BRINP1: variants seen among roughly 807,000 people sequenced by gnomAD.
BRINP1 encodes BMP/retinoic acid-inducible neural-specific protein 1.
In BRINP1, 17 loss-of-function variants were observed where a neutral mutation model predicts 72.9. The observed-to-expected ratio is 0.23, with a 90% CI of 0.16 to 0.35. The LOEUF (loss-of-function observed/expected upper bound fraction) is 0.35. Among genes scored for constraint, BRINP1 ranks in the 10% least tolerant of loss-of-function variants. The pLI, the probability that BRINP1 is intolerant of heterozygous loss-of-function variation, is 1.00. For missense variants in BRINP1, 850 were observed against 1,001.6 expected, an observed-to-expected ratio of 0.85 and a Z score of 2.04; for synonymous variants, 418 against 378.5, an observed-to-expected ratio of 1.10 and a Z score of -1.21.
At chr9:119,308,609 T>C (rs1365741036) in intron 2 of BRINP1, among the ~76,000 whole-genome samples, 1 of 152,198 alleles carries the variant, frequency 6.6e-6, no homozygotes, top group African/African-American at 2.4e-5. Context: ...ATTATTTTTG[T>C]GAAACACACG....
At chr9:119,342,061 C>T (rs952914757) in intron 1 of BRINP1, among the ~76,000 whole-genome samples, 20 of 151,234 alleles carry the variant, frequency 1.3e-4, no homozygotes, top group African/African-American at 4.9e-4. Flanking sequence ...AGCCACCGCA[C>T]CCAGCCTGTA....
chr9:119,360,627 G>A (rs1831619695), intron 1 of BRINP1, among the ~76,000 whole-genome samples: 1 of 152,252 alleles, frequency 6.6e-6, no homozygotes, highest in South Asian at 2.1e-4. Flanking sequence ...TCCCCAAAAA[G>A]CAATCATATC....
chr9:119,282,963 G>C, intron 2 of BRINP1: 1 of 985,360 alleles, frequency 1.0e-6, no homozygotes, highest in East Asian at 1.1e-4. Context: ...ATTAATCACA[G>C]CTGCCAAAGT....
chr9:119,182,967 C>T (rs1398542207), intron 7 of BRINP1, among the ~76,000 whole-genome samples: 5 of 152,148 alleles, frequency 3.3e-5, no homozygotes, highest in Admixed American at 2.0e-4. Context: ...ATATATTACT[C>T]AGCAGGATGG....
At position 119,167,479 on chromosome 9, in the gene BRINP1, T is replaced by A; in HGVS notation, c.1891A>T (p.Asn631Tyr). The part of the protein sequence containing the change: ...SRTRLPTLLR[N>Y]ETGQGPVDLS... ...TCCACGGGGCCCTGGCCAGTCTCAT[T>A]TCGCAGTAGGGTAGGTAGCCGAGTC... is the stretch of plus-strand genomic sequence containing the variant. Residue 631 changes from asparagine (N) to tyrosine (Y), a missense_variant, in exon 8 of 8, where the codon AAT (asparagine) becomes TAT (tyrosine). Asn to Tyr is a moderately radical substitution (Grantham distance 143). Transcript: ENST00000265922. This position sits in a 1 kb window ranked among gnomAD's most constrained non-coding sequence, Gnocchi z 4.3. The A allele has an allele frequency of 2.5e-6, 4 of 1,614,132 alleles. No homozygotes were observed. Among genetic ancestry groups the A allele is most frequent in the Non-Finnish European group, 3.4e-6 (4 of 1,180,002 alleles).
At chr9:119,338,430 A>C (rs1419928519) in intron 1 of BRINP1, among the ~76,000 whole-genome samples, 2 of 152,060 alleles carry the variant, frequency 1.3e-5, no homozygotes, top group Non-Finnish European at 2.9e-5. Flanking sequence ...TGAAAGATGC[A>C]GGGAGAAGAA....
chr9:119,181,906 C>T (rs1294720797), intron 7 of BRINP1, among the ~76,000 whole-genome samples: 1 of 152,206 alleles, frequency 6.6e-6, no homozygotes, highest in Non-Finnish European at 1.5e-5. Context: ...AATAATAATA[C>T]AATCCTTGCA....
In BRINP1 at chr9:119,302,508, TA is replaced by T. The variant is rs889798750; in HGVS notation, c.218+10629del. On this transcript the variant is annotated intron_variant, in intron 2 of 7. Transcript: ENST00000265922. ...TTTTTGGGGGGGCCTATGGGAATCA[TA>T]AAAAAAAATCATTGAAACCTTAAGA... Among the ~76,000 whole-genome samples, 46 of 151,350 alleles carry T rather than the reference TA, an allele frequency of 3.0e-4. 1 individual carries two copies. Among genetic ancestry groups the T allele is most frequent in the South Asian group, 1.9e-3 (9 of 4,800 alleles).
intron 1 of BRINP1, among the ~76,000 whole-genome samples, chr9:119,324,062 G>T (rs1268124704): frequency 1.3e-5 from 2 of 152,148 alleles, no homozygotes; most frequent in African/African-American, 4.8e-5. Flanking sequence ...GAAGCAAGTG[G>T]TTTTTGCTTT....
At chr9:119,291,527 A>G (rs2118973450) in intron 2 of BRINP1, among the ~76,000 whole-genome samples, 1 of 152,244 alleles carries the variant, frequency 6.6e-6, no homozygotes, top group East Asian at 1.9e-4. Flanking sequence ...AACCACCACC[A>G]ATTTTCTCTC....
At chr9:119,211,544 G>A (rs910547979) in intron 6 of BRINP1, among the ~76,000 whole-genome samples, 1 of 152,058 alleles carries the variant, frequency 6.6e-6, no homozygotes, top group Non-Finnish European at 1.5e-5. Context: ...CCCCTAGCAA[G>A]GAGATGTAGA....
In BRINP1 at chr9:119,167,834, G is replaced by T; in HGVS notation, c.1536C>A (p.Leu512=). The change falls in exon 8 of 8, where the codon CTC becomes CTA. Residue 512 remains leucine, a synonymous_variant. Transcript: ENST00000265922. This position sits in a 1 kb window ranked among gnomAD's most constrained non-coding sequence, Gnocchi z 4.3. ...GCCACCGAGGGTCAAAGAAGGTGTCGAGGCGGATCTCGTTGCTGATGAAGG... is the reference window on the plus strand; with the variant it reads ...GCCACCGAGGGTCAAAGAAGGTGTCTAGGCGGATCTCGTTGCTGATGAAGG... ...HTTFISNEIR[L]DTFFDPRWRK... The T allele has an allele frequency of 6.2e-7, 1 of 1,614,160 alleles. No homozygotes were observed. Among genetic ancestry groups the T allele is most frequent in the Non-Finnish European group, 8.5e-7 (1 of 1,180,028 alleles).
intron 1 of BRINP1, among the ~76,000 whole-genome samples, chr9:119,334,802 A>C (rs1277603563): frequency 6.6e-6 from 1 of 151,936 alleles, no homozygotes; most frequent in East Asian, 1.9e-4. Flanking sequence ...GAATAGAGAG[A>C]GAGAGAGAAT....
chr9:119,279,848 C>T (rs1401475020), intron 2 of BRINP1, among the ~76,000 whole-genome samples: 1 of 152,100 alleles, frequency 6.6e-6, no homozygotes, highest in African/African-American at 2.4e-5. Context: ...CAAAAGAAAG[C>T]TCACTACCTG....
intron 1 of BRINP1, among the ~76,000 whole-genome samples, chr9:119,342,131 T>C (rs1831412342): frequency 6.7e-6 from 1 of 149,160 alleles, no homozygotes; most frequent in Non-Finnish European, 1.5e-5. Flanking sequence ...GGCAAGAATA[T>C]AGCCAAATAT....
chr9:119,200,721 G>C (rs368386227), intron 7 of BRINP1, among the ~76,000 whole-genome samples: 1 of 151,282 alleles, frequency 6.6e-6, no homozygotes, highest in African/African-American at 2.4e-5. Flanking sequence ...TGGAAAATTA[G>C]AATGAGAAGG....
chr9:119,358,658 C>A (rs1031917251), intron 1 of BRINP1, among the ~76,000 whole-genome samples: 1 of 152,124 alleles, frequency 6.6e-6, no homozygotes, highest in East Asian at 1.9e-4. Flanking sequence ...CACACCACTG[C>A]ACTCCAGCGT....
chr9:119,206,789 C>A (rs1434216595), intron 7 of BRINP1, among the ~76,000 whole-genome samples: 1 of 152,150 alleles, frequency 6.6e-6, no homozygotes, highest in Non-Finnish European at 1.5e-5. Context: ...CGATGCAGGT[C>A]TCATGGCAGA....
At chr9:119,208,659 A>C (rs1829884902) in intron 7 of BRINP1, 60 bp downstream of exon 7, 1 of 1,522,528 alleles carries the variant, frequency 6.6e-7, no homozygotes, top group Non-Finnish European at 9.1e-7. Flanking sequence ...CTCTGCAGCA[A>C]GATAATGTAG....
Sources: allele counts gnomAD v4.1 joint callset (sites outside exome capture counted in the v4.1 genomes callset), GRCh38; gene constraint gnomAD v4.1.1; non-coding constraint Gnocchi (gnomAD v3.1); transcripts MANE v1.5; gene names NCBI Gene and HGNC (gene_info 2026-07-23, HGNC 2026-07-21).